The following ABI3BP variants were observed in gnomAD, a reference collection of about 807,000 sequenced individuals.
The protein encoded by ABI3BP is target of Nesh-SH3.
In ABI3BP, 216 loss-of-function variants were observed where a neutral mutation model predicts 268.6. The observed-to-expected ratio is 0.80, with a 90% CI of 0.72 to 0.90. The LOEUF (loss-of-function observed/expected upper bound fraction) is 0.90, where lower values mean the gene tolerates loss of function less well. Ranked by LOEUF, ABI3BP falls within the 40% of genes least tolerant of loss-of-function variation. The pLI, the probability that ABI3BP is intolerant of heterozygous loss-of-function variation, is 0.00. For missense variants in ABI3BP, 2,090 were observed against 2,182.4 expected (o/e 0.96, Z 0.84); for synonymous variants, 730 against 730.0 (o/e 1.00, Z 0.00).
chr3:100,872,943 C>G (rs1268346851), intron 9 of ABI3BP, among the ~76,000 whole-genome samples: 4 of 152,042 alleles, frequency 2.6e-5, no homozygotes, highest in African/African-American at 9.7e-5. Flanking sequence ...GATATATTGG[C>G]AAATATTTTC....
chr3:100,807,106 C>A (rs4446246), intron 50 of ABI3BP, among the ~76,000 whole-genome samples: 2 of 151,764 alleles, frequency 1.3e-5, no homozygotes, highest in African/African-American at 4.8e-5. Context: ...CATTTGTTTT[C>A]TACTTTTGTT....
intron 3 of ABI3BP, among the ~76,000 whole-genome samples, chr3:100,902,250 T>A (rs2050776735): frequency 1.3e-5 from 2 of 152,200 alleles, no homozygotes. Context: ...GTTCACACAC[T>A]GTAAAATAGA....
intron 46 of ABI3BP, 148 bp from the exon 47 acceptor site, chr3:100,811,947 T>C (rs12152417): frequency 0.17 from 105,751 of 636,598 alleles, 10,616 homozygotes; most frequent in South Asian, 0.25. Context: ...ATTATGAAGA[T>C]GACCACAATT....
intron 28 of ABI3BP, 146 bp from the exon 29 acceptor site, chr3:100,834,919 C>T (rs1335329415): frequency 1.5e-6 from 1 of 678,746 alleles, no homozygotes; most frequent in Non-Finnish European, 2.4e-6. Flanking sequence ...CATCTATATG[C>T]AAAAATATGT....
Position 100,886,217 on chromosome 3 carries a change from A to C in ABI3BP, c.568T>G (p.Tyr190Asp), listed in dbSNP as rs1451021502. Residue 190 changes from tyrosine to aspartate, a missense_variant, in exon 5 of 68, where the codon TAT becomes GAT. By Grantham distance (160) the Tyr-to-Asp change is radical. Coordinates refer to ENST00000471714, the MANE Select transcript of ABI3BP (RefSeq NM_001375547.2). ...ACATTGTCTTTCACTCCAAATTCATAAACTGTGTTGGGCTTTAGGTTTTCC... is the reference window on the plus strand; with the variant it reads ...ACATTGTCTTTCACTCCAAATTCATCAACTGTGTTGGGCTTTAGGTTTTCC... ...IVENLKPNTV[Y>D]EFGVKDNVEG... 2 of 1,609,534 alleles carry C rather than the reference A, an allele frequency of 1.2e-6. No homozygotes were observed. Among genetic ancestry groups the C allele is most frequent in the Non-Finnish European group, 1.7e-6 (2 of 1,177,674 alleles).
At chr3:100,848,186 G>T (rs758837094) in intron 18 of ABI3BP, among the ~76,000 whole-genome samples, 3 of 152,058 alleles carry the variant, frequency 2.0e-5, no homozygotes, top group Non-Finnish European at 4.4e-5. Context: ...CTCTAACTCA[G>T]CCATTGCCCT....
intron 63 of ABI3BP, 85 bp from the exon 64 acceptor site, chr3:100,754,776 A>G (rs976947506): frequency 1.3e-5 from 14 of 1,060,136 alleles, no homozygotes; most frequent in South Asian, 1.1e-4. Context: ...GACATCCACT[A>G]TACTGACATC....
chr3:100,784,362 A>G (rs1363299634), intron 57 of ABI3BP, among the ~76,000 whole-genome samples: 1 of 152,192 alleles, frequency 6.6e-6, no homozygotes, highest in African/African-American at 2.4e-5. Context: ...GCCATTATCA[A>G]AAGTCAAAAA....
chr3:100,890,074 T>C (rs1028394064), intron 4 of ABI3BP, among the ~76,000 whole-genome samples: 2 of 152,140 alleles, frequency 1.3e-5, no homozygotes, highest in Admixed American at 6.6e-5. Context: ...TAACTGGTAG[T>C]GAATTACACT....
In ABI3BP at chr3:100,774,718, G is replaced by A. The variant is rs367985189; in HGVS notation, c.4463-45C>T. The A allele has an allele frequency of 6.6e-5, 91 of 1,385,358 alleles. No individual in the cohort carries two copies. The East Asian group carries it at 2.2e-3, about 33-fold the overall frequency. The allele number at this position is 1,385,358 out of a possible 1,614,324, so 85.8% of individuals were successfully genotyped here. A position where few individuals can be genotyped will look rare whatever the true frequency, so the allele number is the denominator to read the frequency against. ...AACAGTTTTGGCAAAAGATAAAAAAGCTTCACAATACAATGAAAAAGTTGT... is the reference window on the plus strand; with the variant it reads ...AACAGTTTTGGCAAAAGATAAAAAAACTTCACAATACAATGAAAAAGTTGT... On this transcript the variant is annotated intron_variant, in intron 60 of 67. Coordinates refer to ENST00000471714, the MANE Select transcript of ABI3BP (RefSeq NM_001375547.2).
chr3:100,814,355 G>C (rs1257894452), intron 44 of ABI3BP, among the ~76,000 whole-genome samples: 2 of 151,992 alleles, frequency 1.3e-5, no homozygotes, highest in African/African-American at 2.4e-5. Flanking sequence ...TCATCTAGGA[G>C]TGTTTTGTTC....
At chr3:100,984,123 A>G (rs1006976236) in intron 1 of ABI3BP, among the ~76,000 whole-genome samples, 2 of 149,440 alleles carry the variant, frequency 1.3e-5, no homozygotes, top group African/African-American at 4.9e-5. Context: ...AACCCTGGCC[A>G]TATTAGAATC....
intron 1 of ABI3BP, among the ~76,000 whole-genome samples, chr3:100,928,289 GA>G (rs1374655181): frequency 3.3e-5 from 5 of 151,860 alleles, no homozygotes; most frequent in Non-Finnish European, 5.9e-5. Context: ...TTTGACTATT[GA>G]AAAGACTGCA....
rs142229474 is a variant in ABI3BP at position 100,827,809 on chromosome 3, G to C, written c.2602+584C>G. Among the ~76,000 whole-genome samples the C allele has an allele frequency of 6.8e-3, 1,027 of 152,032 alleles. 10 individuals carry two copies. The highest frequency in any genetic ancestry group is 0.022 in the African/African-American group (900 of 41,490). On this transcript the variant is annotated intron_variant, in intron 34 of 67. Transcript: ENST00000471714. Reference sequence around the variant, plus strand: ...TAGAGTGCCCCGCCTGGATTAAAAAGGTTATAAATCATCCAGATTATGATG... The same window carrying C: ...TAGAGTGCCCCGCCTGGATTAAAAACGTTATAAATCATCCAGATTATGATG...
Position 100,829,680 on chromosome 3 carries a change from T to C in ABI3BP, c.2459-16A>G. 1 of 1,526,160 alleles carries C rather than the reference T, an allele frequency of 6.6e-7. No homozygotes were observed. The highest frequency in any genetic ancestry group is 1.2e-5 in the South Asian group (1 of 83,820). 94.5% of individuals were successfully genotyped at this position (1,526,160 alleles called of 1,614,324 possible). A position where few individuals can be genotyped will look rare whatever the true frequency, so the allele number is the denominator to read the frequency against. ...ACTTTGGGAGCTAAAGGAAGAAAAC[T>C]TCAGGTTAATACAGCGTGTTTGGTT... is the stretch of plus-strand genomic sequence containing the variant. On this transcript the variant is annotated splice_polypyrimidine_tract_variant and intron_variant, in intron 32 of 67. Coordinates refer to ENST00000471714, the MANE Select transcript of ABI3BP (RefSeq NM_001375547.2).
chr3:100,982,277 C>A (rs907197551), intron 1 of ABI3BP, among the ~76,000 whole-genome samples: 1 of 152,122 alleles, frequency 6.6e-6, no homozygotes, highest in African/African-American at 2.4e-5. Flanking sequence ...GGTGGGAACA[C>A]AGAGCCAAAC....
intron 55 of ABI3BP, among the ~76,000 whole-genome samples, chr3:100,790,250 C>A (rs897362175): frequency 4.6e-5 from 7 of 152,072 alleles, no homozygotes; most frequent in Non-Finnish European, 7.4e-5. Flanking sequence ...TGAGAACCTG[C>A]TGAGATATTA....
At chr3:100,918,236 C>G (rs1054750849) in intron 2 of ABI3BP, among the ~76,000 whole-genome samples, 1 of 151,934 alleles carries the variant, frequency 6.6e-6, no homozygotes, top group African/African-American at 2.4e-5. Flanking sequence ...CTGTTTCAGA[C>G]TTTTTGGGCC....
chr3:100,944,842 A>T (rs1186904810), intron 1 of ABI3BP, among the ~76,000 whole-genome samples: 3 of 152,168 alleles, frequency 2.0e-5, no homozygotes, highest in African/African-American at 7.2e-5. Context: ...GAATATGGCC[A>T]AGTGGCCTCA....
Sources: allele counts gnomAD v4.1 joint callset (sites outside exome capture counted in the v4.1 genomes callset), GRCh38; gene constraint gnomAD v4.1.1; transcripts MANE v1.5; gene names NCBI Gene and HGNC (gene_info 2026-07-23, HGNC 2026-07-21).